The following TRERF1 variants were observed in gnomAD, a reference collection of about 807,000 sequenced individuals.
The protein encoded by TRERF1 is transcriptional regulating factor 1.
Under a neutral mutation model 122.9 loss-of-function variants are expected in TRERF1, and 27 were observed. The ratio of observed to expected loss-of-function variants is 0.22; its 90% CI spans 0.16 to 0.30. The LOEUF (loss-of-function observed/expected upper bound fraction) is 0.30, where lower values mean the gene tolerates loss of function less well. TRERF1 is among the 10% of genes least tolerant of loss of function. The pLI is 1.00. For missense variants in TRERF1, 1,248 were observed against 1,560.3 expected, an observed-to-expected ratio of 0.80 and a Z score of 3.37; for synonymous variants, 636 against 641.7, an observed-to-expected ratio of 0.99 and a Z score of 0.13.
intron 16 of TRERF1, among the ~76,000 whole-genome samples, chr6:42,235,641 T>C (rs1175144933): frequency 6.6e-6 from 1 of 152,224 alleles, no homozygotes; most frequent in Non-Finnish European, 1.5e-5. Flanking sequence ...ATCTTTTTTT[T>C]CTCCACCATA....
intron 3 of TRERF1, among the ~76,000 whole-genome samples, chr6:42,302,278 C>T (rs1023590200): frequency 6.6e-6 from 1 of 152,102 alleles, no homozygotes; most frequent in Non-Finnish European, 1.5e-5. Context: ...TTGTCTGTGA[C>T]AGCTAGCTCC....
rs71560754 is a variant in TRERF1, at chr6:42,286,203, G to C, written c.-259+14435C>G. Among the ~76,000 whole-genome samples the C allele has an allele frequency of 1.4e-5, 2 of 145,504 alleles. 1 individual carries two copies. The highest frequency in any genetic ancestry group is 3.0e-5 in the Non-Finnish European group (2 of 65,682). ...CATAAAAACCCTAGAAGAAAACCTA[G>C]GCATTACCATTGAGGACATAGGCAT... On this transcript the variant is annotated intron_variant, in intron 4 of 17. Coordinates refer to ENST00000372922, the Ensembl canonical transcript of TRERF1.
At chr6:42,436,811 AAAAATATATAT>A (rs972301157) in intron 2 of TRERF1, among the ~76,000 whole-genome samples, 2 of 111,566 alleles carry the variant, frequency 1.8e-5, no homozygotes, top group African/African-American at 6.7e-5. Context: ...AAAAAAAAAA[AAAAATATATAT>A]ATATATATAT....
chr6:42,306,287 C>A (rs908564782), intron 3 of TRERF1, among the ~76,000 whole-genome samples: 3 of 152,114 alleles, frequency 2.0e-5, no homozygotes, highest in African/African-American at 4.8e-5. Context: ...CAGGTGTGAG[C>A]CACCACGCCC....
At chr6:42,239,216 T>C (rs1773044357) in intron 15 of TRERF1, among the ~76,000 whole-genome samples, 1 of 152,240 alleles carries the variant, frequency 6.6e-6, no homozygotes, top group Non-Finnish European at 1.5e-5. Context: ...TGGTGAGTTC[T>C]ACCTTTGCCC....
At chr6:42,261,179 C>T (rs988999943) in intron 8 of TRERF1, among the ~76,000 whole-genome samples, 2 of 152,176 alleles carry the variant, frequency 1.3e-5, no homozygotes, top group African/African-American at 2.4e-5. Context: ...CCTGTGCCCC[C>T]CCCAAGGGGA....
At chr6:42,244,617 T>G (rs1774419736) in intron 14 of TRERF1, among the ~76,000 whole-genome samples, 1 of 152,196 alleles carries the variant, frequency 6.6e-6, no homozygotes, top group Non-Finnish European at 1.5e-5. Context: ...GCTTGGAAAT[T>G]TTTTCAGATC....
chr6:42,229,645 T>A (rs1159596616), intron 17 of TRERF1, among the ~76,000 whole-genome samples: 1 of 151,996 alleles, frequency 6.6e-6, no homozygotes, highest in Non-Finnish European at 1.5e-5. Flanking sequence ...TCCCTTTCAC[T>A]TAAGGCCCCT....
intron 8 of TRERF1, among the ~76,000 whole-genome samples, chr6:42,260,813 A>C (rs1319192191): frequency 6.6e-6 from 1 of 152,084 alleles, no homozygotes; most frequent in Non-Finnish European, 1.5e-5. Flanking sequence ...AGGCCATGTG[A>C]CCTGCCCCAT....
chr6:42,450,999 G>C (rs1160834851), intron 2 of TRERF1, among the ~76,000 whole-genome samples, 178 bp downstream of exon 2: 1 of 152,094 alleles, frequency 6.6e-6, no homozygotes. Flanking sequence ...TGTGCAGCCC[G>C]GAGAGGGAAG....
intron 16 of TRERF1, among the ~76,000 whole-genome samples, chr6:42,234,989 A>T (rs1428660799): frequency 6.6e-6 from 1 of 152,244 alleles, no homozygotes; most frequent in Non-Finnish European, 1.5e-5. Context: ...CACTCTATAC[A>T]AAATGGCCAG....
chr6:42,381,548 G>T (rs1488640035), intron 2 of TRERF1, among the ~76,000 whole-genome samples: 1 of 151,994 alleles, frequency 6.6e-6, no homozygotes, highest in Non-Finnish European at 1.5e-5. Flanking sequence ...AGCCCTTTCT[G>T]GTGACTGTGG....
chr6:42,368,071 C>A (rs186245760), intron 2 of TRERF1, among the ~76,000 whole-genome samples: 1 of 152,202 alleles, frequency 6.6e-6, no homozygotes, highest in East Asian at 1.9e-4. Flanking sequence ...CAAATGTGGA[C>A]ACAATCTGTG....
At chr6:42,429,274 T>C (rs974065554) in intron 2 of TRERF1, among the ~76,000 whole-genome samples, 1 of 152,156 alleles carries the variant, frequency 6.6e-6, no homozygotes, top group African/African-American at 2.4e-5. Context: ...AGAAACCCCC[T>C]GCCCTGGGAA....
intron 8 of TRERF1, among the ~76,000 whole-genome samples, chr6:42,260,566 T>G (rs1346071708): frequency 6.6e-6 from 1 of 152,112 alleles, no homozygotes; most frequent in Non-Finnish European, 1.5e-5. Context: ...TGTGGTAGCA[T>G]CAGCCCAGAA....
At chr6:42,376,484 G>A (rs1187806650) in intron 2 of TRERF1, among the ~76,000 whole-genome samples, 1 of 151,990 alleles carries the variant, frequency 6.6e-6, no homozygotes, top group Non-Finnish European at 1.5e-5. Flanking sequence ...CACCCAGAAG[G>A]GCAGAGGGGA....
At chr6:42,265,996 T>C (rs977155020) in intron 5 of TRERF1, among the ~76,000 whole-genome samples, 199 bp from the exon 6 acceptor site, 1 of 151,946 alleles carries the variant, frequency 6.6e-6, no homozygotes, top group Non-Finnish European at 1.5e-5. Context: ...CTCCTTGACT[T>C]GGGACCACCG....
At chr6:42,363,896 C>T (rs1324847776) in intron 2 of TRERF1, among the ~76,000 whole-genome samples, 1 of 152,120 alleles carries the variant, frequency 6.6e-6, no homozygotes, top group Non-Finnish European at 1.5e-5. Flanking sequence ...AGCTGTGAGA[C>T]AATAAATCTG....
chr6:42,328,066 T>C (rs956760157), intron 3 of TRERF1, among the ~76,000 whole-genome samples: 7 of 147,086 alleles, frequency 4.8e-5, no homozygotes, highest in African/African-American at 1.5e-4. Flanking sequence ...AGGGCAGTGG[T>C]ACAATCTTGG....
Sources: gnomAD v4.1 joint callset for allele counts (sites outside exome capture counted in the v4.1 genomes callset) on GRCh38, gnomAD v4.1.1 for gene constraint, MANE v1.5 for transcripts, NCBI Gene and HGNC (gene_info 2026-07-23, HGNC 2026-07-21) for gene names.